The following TTN variants were observed in gnomAD, a reference collection of about 807,000 sequenced individuals.
TTN encodes connectin.
Under a neutral mutation model 3,223.0 loss-of-function variants are expected in TTN, and 1,525 were observed. The observed-to-expected ratio is 0.47, with a 90% confidence interval of 0.45 to 0.49. TTN has a LOEUF of 0.49. TTN is among the 20% of genes least tolerant of loss of function. TTN has a pLI of 0.00. For missense variants in TTN, 40,786 were observed against 43,424.0 expected (o/e 0.94, Z 5.40); for synonymous variants, 14,094 against 15,161.0 (o/e 0.93, Z 5.17).
Position 178,565,515 on chromosome 2 carries a change from C to G in TTN, c.80617G>C (p.Ala26873Pro). Reference sequence around the variant, plus strand: ...CTAGGCTGTATAGTCAAGTCCTTGGCTATGACAGGAACACCCAACACTCTT... The same window carrying G: ...CTAGGCTGTATAGTCAAGTCCTTGGGTATGACAGGAACACCCAACACTCTT... ...DPRVLGVPVIAKDLTIQPSLK... is the reference protein window; with the variant it reads ...DPRVLGVPVIPKDLTIQPSLK... Residue 26873 changes from alanine (A) to proline (P), a missense_variant, in exon 326 of 363, where the codon GCC (alanine) becomes CCC (proline). Transcript: ENST00000589042. 2 of 1,613,412 alleles carry G rather than the reference C, an allele frequency of 1.2e-6. No individual in the cohort carries two copies. The highest frequency in any genetic ancestry group is 1.7e-4 in the Middle Eastern group (1 of 6,050).
chr2:178,770,215 T>C lies in TTN; in HGVS notation c.8486A>G (p.His2829Arg). The change falls in exon 36 of 363, where the codon CAT (histidine) becomes CGT (arginine). Residue 2829 changes from histidine (H) to arginine (R), a missense_variant. By Grantham distance (29) the His-to-Arg change is conservative. Transcript: ENST00000589042. ...ACTTGGCTTAATTTCCACACTCTTA[T>C]GGAACCATTTTACTGGAACAGTGTC... The part of the protein sequence containing the change: ...SHDTVPVKWF[H>R]KSVEIKPSDK... The C allele has an allele frequency of 6.2e-7, 1 of 1,614,148 alleles. No homozygotes were observed. The highest frequency in any genetic ancestry group is 8.5e-7 in the Non-Finnish European group (1 of 1,180,004).
rs765570520 is a variant in TTN at position 178,686,113 on chromosome 2, A to ATTTTTTTTTTTTTTTTTTTTTT, written c.32312-537_32312-516dup. Among the ~76,000 whole-genome samples, 25 of 77,802 alleles carry ATTTTTTTTTTTTTTTTTTTTTT rather than the reference A, an allele frequency of 3.2e-4. 5 individuals carry two copies. The highest frequency in any genetic ancestry group is 1.1e-3 in the African/African-American group (17 of 15,088). The allele number at this position is 77,802 out of a possible 152,430, so 51.0% of individuals were successfully genotyped here. On this transcript the variant is annotated intron_variant, in intron 127 of 362. Coordinates refer to ENST00000589042, the MANE Select transcript of TTN (RefSeq NM_001267550.2). ...TTGAGCCTAAGTGTATACAGTTTTA[A>ATTTTTTTTTTTTTTTTTTTTTT]TTTTTTTTTTTTTTTTTTTTTTTTT...
At chr2:178,601,233 A>T (rs1200635627) in intron 287 of TTN, 32 bp downstream of exon 287, 2 of 1,519,178 alleles carry the variant, frequency 1.3e-6, no homozygotes, top group Non-Finnish European at 1.8e-6. Context: ...CAATTTTGAG[A>T]AGATATTTTA....
Position 178,740,722 on chromosome 2 carries a change from C to T in TTN, c.12511G>A (p.Glu4171Lys), listed in dbSNP as rs1376544850. 6.2e-7 allele frequency: 1 copy of T among 1,613,800 alleles called. No individual in the cohort carries two copies. Among genetic ancestry groups the T allele is most frequent in the Admixed American group, 1.7e-5 (1 of 60,008 alleles). ...GATAGAACTGCCTGTGTCTCAGGCT[C>T]TTCAGGCATTAGAATACCTTCTTTG... Reference protein sequence around the residue: ...FSKEGILMPEEPETQAVLSDT... With the variant: ...FSKEGILMPEKPETQAVLSDT... Residue 4171 changes from glutamate (E) to lysine (K), a missense_variant, in exon 48 of 363, where the codon GAG becomes AAG. By Grantham distance (56) the Glu-to-Lys change is moderately conservative. Coordinates refer to ENST00000589042, the MANE Select transcript of TTN (RefSeq NM_001267550.2).
chr2:178,741,830 C>G lies in TTN; in HGVS notation c.11403G>C (p.Leu3801Phe). Reference sequence around the variant, plus strand: ...TAGTTGGGTAAACTGGAGATTCAGACAAAAGTTCAAGTGTTTCATTTATTT... The same window carrying G: ...TAGTTGGGTAAACTGGAGATTCAGAGAAAAGTTCAAGTGTTTCATTTATTT... ...LSKINETLEL[L>F]SESPVYPTKF... The change falls in exon 48 of 363, where the codon TTG (leucine) becomes TTC (phenylalanine). Residue 3801 changes from leucine (L) to phenylalanine (F), a missense_variant. Physicochemically the swap from Leu to Phe is conservative, Grantham distance 22. Transcript: ENST00000589042. 1 of 1,611,110 alleles carries G rather than the reference C, an allele frequency of 6.2e-7. No individual in the cohort carries two copies. The highest frequency in any genetic ancestry group is 1.1e-5 in the South Asian group (1 of 90,758).
At chr2:178,610,042 C>G (rs2154198834) in intron 271 of TTN, 48 bp downstream of exon 271, 1 of 1,610,966 alleles carries the variant, frequency 6.2e-7, no homozygotes, top group South Asian at 1.1e-5. Context: ...TAAAACAAAA[C>G]TATGGTTTAT....
intron 180 of TTN, among the ~76,000 whole-genome samples, chr2:178,659,903 GACAA>G (rs1178673045): frequency 2.5e-4 from 3 of 11,992 alleles, no homozygotes; most frequent in Middle Eastern, 0.01. Context: ...ACCAATAACA[GACAA>G]ACAGAGAGCC....
rs1388420417 is a variant in TTN at position 178,563,920 on chromosome 2, A to G, written c.82212T>C (p.His27404=). Residue 27404 remains histidine (H), a synonymous_variant, in exon 326 of 363, where the codon CAT becomes CAC. Coordinates refer to ENST00000589042, the MANE Select transcript of TTN (RefSeq NM_001267550.2). This position sits in a 1 kb window ranked among gnomAD's most constrained non-coding sequence, Gnocchi z 4.5. The stretch of plus-strand genomic sequence containing the variant: ...TTGTCTCCCTCTTTTCAATGATGTA[A>G]TGTGAAATATTAGCACCACCATCTT... The part of the protein sequence containing the change: ...PLQDGGANIS[H]YIIEKRETSR... 1.2e-6 allele frequency: 2 copies of G among 1,613,668 alleles called. No individual in the cohort carries two copies. The highest frequency in any genetic ancestry group is 1.7e-6 in the Non-Finnish European group (2 of 1,179,712).
rs374139408 is a variant in TTN at position 178,712,270 on chromosome 2, A to C, written c.27607+45T>G. ...ATCAGTCATGAAGGAGACATGCCAG[A>C]TCATCGATTGTATACAAAGATAAAA... On this transcript the variant is annotated intron_variant, in intron 95 of 362. Coordinates refer to ENST00000589042, the MANE Select transcript of TTN (RefSeq NM_001267550.2). 25 of 1,608,392 alleles carry C rather than the reference A, an allele frequency of 1.6e-5. No homozygotes were observed. The Admixed American group carries it at 3.7e-4, about 24-fold the overall frequency.
rs72646833 is a variant in TTN at position 178,597,618 on chromosome 2, C to T, written c.57464G>A (p.Arg19155Lys). ...AAGAGAATAGACGCCTTGATGGCTC[C>T]TCTGGCAGTTCTTGATGACCATGGA... ...SSSMVIKNCQRSHQGVYSLLA... is the reference protein window; with the variant it reads ...SSSMVIKNCQKSHQGVYSLLA... Residue 19155 changes from arginine to lysine, a missense_variant, in exon 294 of 363, where the codon AGG becomes AAG. Transcript: ENST00000589042. 1.2e-3 allele frequency: 1,909 copies of T among 1,613,168 alleles called. 27 individuals are homozygous for T. The African/African-American group carries it at 0.023, about 20-fold the overall frequency.
At chr2:178,613,106 C>G (rs756281784) in intron 264 of TTN, 34 bp from the exon 265 acceptor site, 2 of 1,608,378 alleles carry the variant, frequency 1.2e-6, no homozygotes, top group Non-Finnish European at 1.7e-6. Context: ...TTAGGTTTGT[C>G]AAAAAGGAGT....
Position 178,717,509 on chromosome 2 carries a change from T to C in TTN, c.25351+14A>G. 1.9e-6 allele frequency: 3 copies of C among 1,587,534 alleles called. No homozygotes were observed. Among genetic ancestry groups the C allele is most frequent in the Non-Finnish European group, 2.6e-6 (3 of 1,166,780 alleles). ...AGCTGCTTTACAATGAAGAGGGTAC[T>C]GTGAGTTACTCACCTGAGAGAATGA... On this transcript the variant is annotated intron_variant, in intron 87 of 362. Coordinates refer to ENST00000589042, the MANE Select transcript of TTN (RefSeq NM_001267550.2).
intron 346 of TTN, 29 bp from the exon 347 acceptor site, chr2:178,543,691 T>C (rs1289125137): frequency 3.2e-6 from 5 of 1,546,308 alleles, no homozygotes; most frequent in Non-Finnish European, 4.3e-6. Flanking sequence ...GATTCATATT[T>C]CCTATTTGCC....
intron 361 of TTN, 171 bp downstream of exon 361, chr2:178,528,103 G>A: frequency 1.4e-6 from 1 of 736,842 alleles, no homozygotes; most frequent in Non-Finnish European, 2.1e-6. Flanking sequence ...CCAAGTTTCT[G>A]TGTAGCTATA....
rs786205371 is a variant in TTN at position 178,554,560 on chromosome 2, G to C, written c.88787C>G (p.Thr29596Ser). ...EHLEECIITT[T>S]KIIKGNEYIF... Reference sequence around the variant, plus strand: ...GTATTCATTTCCTTTGATAATTTTGGTGGTTGTAATGATGCACTCTTCCAA... The same window carrying C: ...GTATTCATTTCCTTTGATAATTTTGCTGGTTGTAATGATGCACTCTTCCAA... Residue 29596 changes from threonine to serine, a missense_variant, in exon 332 of 363, where the codon ACC becomes AGC. Transcript: ENST00000589042. The C allele has an allele frequency of 1.5e-5, 25 of 1,613,650 alleles. No homozygotes were observed. The highest frequency in any genetic ancestry group is 1.8e-5 in the Non-Finnish European group (21 of 1,179,832).
intron 215 of TTN, among the ~76,000 whole-genome samples, chr2:178,646,849 G>A (rs1201966633): frequency 1.3e-5 from 2 of 151,880 alleles, no homozygotes; most frequent in Non-Finnish European, 2.9e-5. Context: ...TCAGTAAACT[G>A]TACCTTTTGG....
intron 213 of TTN, 119 bp downstream of exon 213, chr2:178,649,129 T>C: frequency 1.3e-6 from 1 of 795,072 alleles, no homozygotes; most frequent in Non-Finnish European, 1.8e-6. Context: ...TTATTTCCCT[T>C]TTTTCTGTGC....
intron 250 of TTN, chr2:178,619,111 C>G: frequency 1.9e-6 from 1 of 529,248 alleles, no homozygotes; most frequent in Non-Finnish European, 3.3e-6. Context: ...AAAATAGTAA[C>G]ATAGGACTCA....
rs767793508 is a variant in TTN, at chr2:178,706,918, G to T, written c.29078C>A (p.Ala9693Glu). ...PAVAPATKKA[A>E]VDGRLFFVSE... Reference sequence around the variant, plus strand: ...CACAAAAAAGAGTCTTCCATCTACCGCAGCTTTCTTGGTTGCTGGGGCCAC... The same window carrying T: ...CACAAAAAAGAGTCTTCCATCTACCTCAGCTTTCTTGGTTGCTGGGGCCAC... The change falls in exon 101 of 363, where the codon GCG becomes GAG. Residue 9693 changes from alanine to glutamate, a missense_variant. Ala to Glu is a moderately radical substitution (Grantham distance 107). Coordinates refer to ENST00000589042, the MANE Select transcript of TTN (RefSeq NM_001267550.2). 3.1e-6 allele frequency: 5 copies of T among 1,611,740 alleles called. No homozygotes were observed. The East Asian group carries it at 8.9e-5, about 29-fold the overall frequency.
Sources: gnomAD v4.1 joint callset for allele counts (sites outside exome capture counted in the v4.1 genomes callset) on GRCh38, gnomAD v4.1.1 for gene constraint, Gnocchi (gnomAD v3.1) non-coding constraint, MANE v1.5 for transcripts, NCBI Gene and HGNC (gene_info 2026-07-23, HGNC 2026-07-21) for gene names.